Variants in FAF2 observed in about 807,000 individuals in gnomAD.
FAF2 encodes FAS-associated factor 2.
In FAF2, 9 loss-of-function variants were observed where a neutral mutation model predicts 62.3. The ratio of observed to expected loss-of-function variants is 0.14; its 90% CI spans 0.09 to 0.25. The LOEUF (loss-of-function observed/expected upper bound fraction) is 0.25. FAF2 is among the 10% of genes least tolerant of loss of function. FAF2 has a pLI of 1.00. For synonymous variants in FAF2, 202 were observed against 198.0 expected, an observed-to-expected ratio of 1.02 and a Z score of -0.17; for missense variants, 368 against 556.2, an observed-to-expected ratio of 0.66 and a Z score of 3.40.
At chr5:176,472,510 T>TGG (rs1430924609) in intron 1 of FAF2, among the ~76,000 whole-genome samples, 3 of 152,050 alleles carry the variant, frequency 2.0e-5, no homozygotes, top group African/African-American at 7.2e-5. Flanking sequence ...CTTGAACTTC[T>TGG]GGGCCCAAGT....
chr5:176,455,634 A>G (rs887240556), intron 1 of FAF2, among the ~76,000 whole-genome samples: 1 of 151,920 alleles, frequency 6.6e-6, no homozygotes, highest in African/African-American at 2.4e-5. Context: ...CTGTAATCCT[A>G]GCTACTCAGG....
At chr5:176,458,272 G>A (rs1758311680) in intron 1 of FAF2, among the ~76,000 whole-genome samples, 4 of 151,828 alleles carry the variant, frequency 2.6e-5, no homozygotes. Flanking sequence ...AGTAGAGATG[G>A]GGTTTCGCCA....
chr5:176,505,469 AT>A (rs1182772571), intron 10 of FAF2, among the ~76,000 whole-genome samples: 3 of 152,072 alleles, frequency 2.0e-5, no homozygotes, highest in African/African-American at 7.2e-5. Context: ...ATTGTATTGT[AT>A]TTTTTTGTCC....
intron 2 of FAF2, among the ~76,000 whole-genome samples, 178 bp from the exon 3 acceptor site, chr5:176,486,177 A>G (rs1758870573): frequency 6.6e-6 from 1 of 151,978 alleles, no homozygotes; most frequent in Non-Finnish European, 1.5e-5. Flanking sequence ...TGGAGTGACA[A>G]CTCCAGTTGC....
At chr5:176,489,840 C>T (rs1311500692) in intron 4 of FAF2, among the ~76,000 whole-genome samples, 1 of 152,228 alleles carries the variant, frequency 6.6e-6, no homozygotes, top group Non-Finnish European at 1.5e-5. Flanking sequence ...AGCCACCATG[C>T]CTGGCAGCTT....
At chr5:176,474,868 G>A (rs1033175798) in intron 1 of FAF2, among the ~76,000 whole-genome samples, 5 of 152,320 alleles carry the variant, frequency 3.3e-5, no homozygotes, top group Admixed American at 1.3e-4. Flanking sequence ...GGCAGGGACT[G>A]TATCTGTATC....
intron 1 of FAF2, among the ~76,000 whole-genome samples, chr5:176,462,726 T>G (rs1278397354): frequency 1.3e-5 from 2 of 152,234 alleles, no homozygotes; most frequent in Non-Finnish European, 2.9e-5. Flanking sequence ...ATTTTTAACA[T>G]TTTGTGACTT....
At position 176,508,845 on chromosome 5, in the gene FAF2, C is replaced by G. The variant is rs922229896; in HGVS notation, c.*1895C>G. On this transcript the variant is annotated 3_prime_UTR_variant, in exon 11 of 11. Coordinates refer to ENST00000261942, the MANE Select transcript of FAF2 (RefSeq NM_014613.3). ...TGCAGAGGAATTTTTCCACTTAAGT[C>G]AGAGCCTTCCTCCCCATCTGGAATT... 2 of 152,234 alleles carry G rather than the reference C, an allele frequency of 1.3e-5. No homozygotes were observed. The highest frequency in any genetic ancestry group is 2.9e-5 in the Non-Finnish European group (2 of 68,074). 9.4% of individuals were successfully genotyped at this position (152,234 alleles called of 1,614,324 possible). A position where few individuals can be genotyped will look rare whatever the true frequency, so the allele number is the denominator to read the frequency against.
chr5:176,497,878 G>C (rs1755524966), intron 8 of FAF2, among the ~76,000 whole-genome samples: 1 of 152,194 alleles, frequency 6.6e-6, no homozygotes, highest in Non-Finnish European at 1.5e-5. Flanking sequence ...GGCCGAGCAT[G>C]TTGGCTCATA....
intron 2 of FAF2, among the ~76,000 whole-genome samples, chr5:176,481,463 CT>C (rs1210373833): frequency 1.3e-5 from 2 of 152,084 alleles, no homozygotes; most frequent in African/African-American, 4.8e-5. Flanking sequence ...CGAGATCATC[CT>C]GGCTAACACA....
rs553455688 is a variant in FAF2, at chr5:176,502,999, G to A, written c.1155+2853G>A. 2.0e-5 allele frequency among the ~76,000 whole-genome samples: 3 copies of A among 152,024 alleles called. No homozygotes were observed. The South Asian group carries it at 6.2e-4, about 32-fold the overall frequency. On this transcript the variant is annotated intron_variant, in intron 10 of 10. Coordinates refer to ENST00000261942, the MANE Select transcript of FAF2 (RefSeq NM_014613.3). ...GGAGGCAGTGGTTGCAGTGGACCGA[G>A]ACTGCGCCATTGCACTCCAGCCTGG...
chr5:176,489,416 C>T (rs1758932586), intron 4 of FAF2, among the ~76,000 whole-genome samples: 1 of 152,216 alleles, frequency 6.6e-6, no homozygotes, highest in Middle Eastern at 3.4e-3. Flanking sequence ...TACTTCTCCT[C>T]CACCTGACTA....
At chr5:176,485,284 T>C (rs1327140352) in intron 2 of FAF2, among the ~76,000 whole-genome samples, 3 of 152,240 alleles carry the variant, frequency 2.0e-5, no homozygotes, top group Non-Finnish European at 4.4e-5. Context: ...ATAGGCACGA[T>C]TGATTTGTTT....
At chr5:176,451,030 A>G (rs928639592) in intron 1 of FAF2, among the ~76,000 whole-genome samples, 1 of 152,224 alleles carries the variant, frequency 6.6e-6, no homozygotes, top group Non-Finnish European at 1.5e-5. Context: ...TTAGATGCCA[A>G]GCATTATACC....
chr5:176,465,237 C>T (rs1287199712), intron 1 of FAF2, among the ~76,000 whole-genome samples: 3 of 152,004 alleles, frequency 2.0e-5, no homozygotes, highest in African/African-American at 7.3e-5. Context: ...ACCCTTTGTC[C>T]ATAGAGAAAA....
Position 176,492,328 on chromosome 5 carries a change from G to C in FAF2, c.479G>C (p.Ser160Thr), listed in dbSNP as rs1293600993. ...CCTGTCTTCTACCAGGGAACGTACAGCCAGGTCAGTGCCATAAACCATATA... is the reference window on the plus strand; with the variant it reads ...CCTGTCTTCTACCAGGGAACGTACACCCAGGTCAGTGCCATAAACCATATA... ...AHPVFYQGTYSQALNDAKREL... is the reference protein window; with the variant it reads ...AHPVFYQGTYTQALNDAKREL... Residue 160 changes from serine to threonine, a missense_variant, in exon 5 of 11, where the codon AGC (serine) becomes ACC (threonine). Transcript: ENST00000261942. 2 of 1,613,058 alleles carry C rather than the reference G, an allele frequency of 1.2e-6. No homozygotes were observed. The highest frequency in any genetic ancestry group is 1.7e-6 in the Non-Finnish European group (2 of 1,179,630).
chr5:176,469,324 A>G (rs1758521401), intron 1 of FAF2, among the ~76,000 whole-genome samples: 1 of 152,218 alleles, frequency 6.6e-6, no homozygotes, highest in Non-Finnish European at 1.5e-5. Context: ...GAAGCCTGTG[A>G]CTGATGTTAA....
intron 1 of FAF2, among the ~76,000 whole-genome samples, chr5:176,465,833 G>C (rs980688589): frequency 2.6e-5 from 4 of 152,124 alleles, no homozygotes; most frequent in Non-Finnish European, 4.4e-5. Flanking sequence ...CTCCAGCCTG[G>C]GCAACAGAGC....
chr5:176,497,978 C>T (rs1030387402), intron 8 of FAF2, among the ~76,000 whole-genome samples: 1 of 151,980 alleles, frequency 6.6e-6, no homozygotes, highest in Non-Finnish European at 1.5e-5. Context: ...GGTGAAACCC[C>T]ATCTCTACAA....
Sources: allele counts gnomAD v4.1 joint callset (sites outside exome capture counted in the v4.1 genomes callset), GRCh38; gene constraint gnomAD v4.1.1; transcripts MANE v1.5; gene names NCBI Gene and HGNC (gene_info 2026-07-23, HGNC 2026-07-21).